STX17: variants seen among roughly 807,000 people sequenced by gnomAD.
STX17 encodes the protein syntaxin 17.
A neutral mutation model predicts 35.9 loss-of-function variants in STX17; 29 were observed. The ratio of observed to expected loss-of-function variants is 0.81; its 90% CI spans 0.60 to 1.10. STX17 has a LOEUF of 1.10. Ranked by LOEUF, STX17 falls within the 50% of genes least tolerant of loss-of-function variation. STX17 has a pLI of 0.00. For missense variants in STX17, 312 were observed against 352.3 expected (o/e 0.89, Z 0.92); for synonymous variants, 92 against 118.3 (o/e 0.78, Z 1.44).
chr9:99,956,195 T>G (rs1442616142), intron 4 of STX17, among the ~76,000 whole-genome samples: 1 of 152,188 alleles, frequency 6.6e-6, no homozygotes, highest in Non-Finnish European at 1.5e-5. Context: ...GAGACGTAAA[T>G]GACTTAAACA....
At chr9:99,915,447 T>C in intron 2 of STX17, 85 bp downstream of exon 2, 1 of 1,469,982 alleles carries the variant, frequency 6.8e-7, no homozygotes, top group Non-Finnish European at 9.0e-7. Flanking sequence ...TTTAGAATAT[T>C]AGATAAGAGG....
At chr9:99,948,429 G>A (rs1295443829) in intron 3 of STX17, among the ~76,000 whole-genome samples, 3 of 151,810 alleles carry the variant, frequency 2.0e-5, no homozygotes, top group Non-Finnish European at 4.4e-5. Context: ...TGTGTGATTT[G>A]CATTATGTTT....
chr9:99,913,980 T>TC (rs1436865856), intron 1 of STX17: 1 of 151,626 alleles, frequency 6.6e-6, no homozygotes, highest in Non-Finnish European at 1.5e-5. Context: ...TTCTTTTTTT[T>TC]TTTTTGTAGA....
intron 3 of STX17, among the ~76,000 whole-genome samples, chr9:99,932,733 GC>G (rs1319566436): frequency 6.6e-6 from 1 of 152,160 alleles, no homozygotes; most frequent in Non-Finnish European, 1.5e-5. Flanking sequence ...TAAGATTGAA[GC>G]TATTGTTAGA....
intron 1 of STX17, among the ~76,000 whole-genome samples, chr9:99,911,668 C>T (rs1259619084): frequency 6.6e-6 from 1 of 152,054 alleles, no homozygotes; most frequent in Non-Finnish European, 1.5e-5. Flanking sequence ...CTTGCAGGCT[C>T]ACACTTTAGG....
intron 3 of STX17, among the ~76,000 whole-genome samples, chr9:99,939,633 C>T (rs1359143794): frequency 6.6e-6 from 1 of 152,148 alleles, no homozygotes; most frequent in Non-Finnish European, 1.5e-5. Context: ...TTCTACCCTA[C>T]CTCAGTCTTT....
At chr9:99,937,226 C>T (rs925745513) in intron 3 of STX17, among the ~76,000 whole-genome samples, 1 of 152,000 alleles carries the variant, frequency 6.6e-6, no homozygotes, top group Non-Finnish European at 1.5e-5. Context: ...TTATGATAGG[C>T]TTTGGTGGCA....
chr9:99,952,322 A>G (rs1259877407), intron 4 of STX17, among the ~76,000 whole-genome samples: 2 of 152,196 alleles, frequency 1.3e-5, no homozygotes, highest in African/African-American at 2.4e-5. Context: ...AATCAAAACC[A>G]CAGTGAGATA....
At chr9:99,925,953 A>G (rs890501851) in intron 2 of STX17, among the ~76,000 whole-genome samples, 1 of 151,804 alleles carries the variant, frequency 6.6e-6, no homozygotes, top group Non-Finnish European at 1.5e-5. Flanking sequence ...GTCCAGTTAC[A>G]TGTATTTTAT....
At chr9:99,933,680 G>C (rs374817695) in intron 3 of STX17, among the ~76,000 whole-genome samples, 2 of 152,096 alleles carry the variant, frequency 1.3e-5, no homozygotes, top group African/African-American at 4.8e-5. Flanking sequence ...TCTACATTAT[G>C]ACCTTGCTAC....
At chr9:99,925,967 G>T (rs1483071143) in intron 2 of STX17, among the ~76,000 whole-genome samples, 2 of 151,228 alleles carry the variant, frequency 1.3e-5, no homozygotes, top group Non-Finnish European at 3.0e-5. Context: ...ATTTTATGTT[G>T]TTTTCATTTG....
intron 3 of STX17, 105 bp from the exon 4 acceptor site, chr9:99,950,955 G>C (rs1829578903): frequency 7.6e-6 from 8 of 1,047,212 alleles, no homozygotes; most frequent in African/African-American, 3.2e-5. Context: ...CTATTGTGGA[G>C]ATATTTGTTA....
At chr9:99,946,934 G>C (rs1475529200) in intron 3 of STX17, among the ~76,000 whole-genome samples, 1 of 151,946 alleles carries the variant, frequency 6.6e-6, no homozygotes, top group African/African-American at 2.4e-5. Flanking sequence ...TTCTGGCTAG[G>C]TGTATTTTTC....
intron 2 of STX17, among the ~76,000 whole-genome samples, chr9:99,927,738 A>T (rs985666281): frequency 6.6e-6 from 1 of 152,180 alleles, no homozygotes; most frequent in Admixed American, 6.5e-5. Context: ...CAGCCTCCCA[A>T]AGTGCTGGGA....
At chr9:99,958,653 A>G (rs1026213902) in intron 4 of STX17, among the ~76,000 whole-genome samples, 11 of 152,178 alleles carry the variant, frequency 7.2e-5, no homozygotes, top group African/African-American at 1.9e-4. Context: ...CCACTACACT[A>G]TGTTGCCTCC....
chr9:99,961,945 TAAC>T (rs1394734512), intron 6 of STX17, among the ~76,000 whole-genome samples: 1 of 152,160 alleles, frequency 6.6e-6, no homozygotes, highest in African/African-American at 2.4e-5. Context: ...TGCCCTATAA[TAAC>T]TTCTTTTTGG....
rs894634935 is a variant in STX17 at position 99,972,797 on chromosome 9, G to A, written c.*4124G>A. On this transcript the variant is annotated 3_prime_UTR_variant, in exon 8 of 8. Coordinates refer to ENST00000259400, the MANE Select transcript of STX17 (RefSeq NM_017919.3). ...TTTCTCAGGGTCCCCTTTGTCCTTC[G>A]TTGCTGCCATATGAAATCTTACAAG... Among the ~76,000 whole-genome samples the A allele has an allele frequency of 6.6e-5, 10 of 152,072 alleles. No individual in the cohort carries two copies. The highest frequency in any genetic ancestry group is 1.9e-4 in the African/African-American group (8 of 41,428).
chr9:99,927,328 T>C (rs758064234), intron 2 of STX17, among the ~76,000 whole-genome samples: 9 of 152,210 alleles, frequency 5.9e-5, no homozygotes, highest in Non-Finnish European at 8.8e-5. Flanking sequence ...TTATTACTGT[T>C]ATAACACTGC....
At chr9:99,921,531 T>A (rs748467917) in intron 2 of STX17, among the ~76,000 whole-genome samples, 1 of 151,694 alleles carries the variant, frequency 6.6e-6, no homozygotes, top group Non-Finnish European at 1.5e-5. Context: ...TTTGAAGTCA[T>A]TGATGAAAAT....
Sources: gnomAD v4.1 joint callset for allele counts (sites outside exome capture counted in the v4.1 genomes callset) on GRCh38, gnomAD v4.1.1 for gene constraint, MANE v1.5 for transcripts, NCBI Gene and HGNC (gene_info 2026-07-23, HGNC 2026-07-21) for gene names.